Variants in CEP83 observed in about 807,000 individuals in gnomAD.
CEP83 encodes centrosomal protein 83, also known as centrosomal protein of 83 kDa.
CEP83 carries 70 observed loss-of-function variants against 101.9 expected under a neutral mutation model. That is an observed-to-expected ratio of 0.69 (90% CI 0.57 to 0.84). The LOEUF (loss-of-function observed/expected upper bound fraction) is 0.84, where lower values mean the gene tolerates loss of function less well. Ranked by LOEUF, CEP83 falls within the 40% of genes least tolerant of loss-of-function variation. The pLI, the probability that CEP83 is intolerant of heterozygous loss-of-function variation, is 0.00. For missense variants in CEP83, 715 were observed against 787.2 expected (o/e 0.91, Z 1.10); for synonymous variants, 264 against 267.9 (o/e 0.99, Z 0.14).
intron 11 of CEP83, among the ~76,000 whole-genome samples, chr12:94,362,080 T>C (rs1565987744): frequency 6.6e-6 from 1 of 152,160 alleles, no homozygotes. Context: ...AAGCCCCAAG[T>C]AATTTCATTT....
At chr12:94,450,318 C>T (rs1223338649) in intron 1 of CEP83, among the ~76,000 whole-genome samples, 1 of 152,188 alleles carries the variant, frequency 6.6e-6, no homozygotes, top group Non-Finnish European at 1.5e-5. Context: ...GTGGCACAAT[C>T]TCAGCTCACT....
chr12:94,340,867 A>G (rs940258307), intron 11 of CEP83, among the ~76,000 whole-genome samples: 1 of 152,262 alleles, frequency 6.6e-6, no homozygotes, highest in African/African-American at 2.4e-5. Flanking sequence ...GAGAGAGAAA[A>G]TAAGAGAGGA....
intron 11 of CEP83, 151 bp downstream of exon 11, chr12:94,367,642 TC>T: frequency 2.3e-6 from 1 of 436,088 alleles, no homozygotes; most frequent in Non-Finnish European, 3.9e-6. Flanking sequence ...AATTTCTTAA[TC>T]TTGATTATTA....
intron 11 of CEP83, among the ~76,000 whole-genome samples, chr12:94,337,475 A>C (rs1051846753): frequency 1.3e-5 from 2 of 152,208 alleles, no homozygotes; most frequent in African/African-American, 2.4e-5. Flanking sequence ...TCTTAAGATA[A>C]ATAAGATAGG....
intron 7 of CEP83, among the ~76,000 whole-genome samples, chr12:94,376,280 C>T (rs939466980): frequency 1.8e-4 from 27 of 152,044 alleles, no homozygotes; most frequent in African/African-American, 5.6e-4. Flanking sequence ...ACTTCTCTCA[C>T]GACAGAAAGT....
At chr12:94,456,200 T>G (rs2067667330) in intron 1 of CEP83, among the ~76,000 whole-genome samples, 1 of 152,208 alleles carries the variant, frequency 6.6e-6, no homozygotes, top group African/African-American at 2.4e-5. Flanking sequence ...CCAAGCCCAC[T>G]GAAGAATAGT....
At chr12:94,396,157 T>A (rs2062876864) in intron 6 of CEP83, among the ~76,000 whole-genome samples, 1 of 151,722 alleles carries the variant, frequency 6.6e-6, no homozygotes, top group African/African-American at 2.4e-5. Context: ...AAAATATGAG[T>A]CCTAATATAA....
intron 6 of CEP83, among the ~76,000 whole-genome samples, chr12:94,380,636 T>C (rs1242522797): frequency 6.6e-6 from 1 of 152,178 alleles, no homozygotes; most frequent in African/African-American, 2.4e-5. Flanking sequence ...TAATGTGCTA[T>C]ATTAGAGGTG....
At chr12:94,300,029 T>C in the CEP83 span, among the ~76,000 whole-genome samples, 1 of 151,634 alleles carries the variant, frequency 6.6e-6, no homozygotes, top group African/African-American at 2.4e-5. Context: ...TAGGCCAGAG[T>C]TGAAAAGGAG....
chr12:94,350,805 CA>C (rs1192815280), intron 11 of CEP83, among the ~76,000 whole-genome samples: 8 of 151,924 alleles, frequency 5.3e-5, no homozygotes, highest in African/African-American at 1.4e-4. Context: ...TTTAAATGGA[CA>C]AAAAACTTGA....
intron 1 of CEP83, among the ~76,000 whole-genome samples, chr12:94,456,334 T>C (rs749068862): frequency 2.0e-5 from 3 of 152,198 alleles, no homozygotes; most frequent in Non-Finnish European, 2.9e-5. Context: ...TTTTTTATAG[T>C]TTACTGTTGC....
At chr12:94,338,833 GAA>G (rs1429521700) in intron 11 of CEP83, among the ~76,000 whole-genome samples, 2 of 152,130 alleles carry the variant, frequency 1.3e-5, no homozygotes, top group Admixed American at 6.5e-5. Context: ...AGTTTAAATG[GAA>G]ACTTTGGAAT....
At chr12:94,380,568 G>C (rs1370177848) in intron 6 of CEP83, among the ~76,000 whole-genome samples, 1 of 151,984 alleles carries the variant, frequency 6.6e-6, no homozygotes, top group Non-Finnish European at 1.5e-5. Flanking sequence ...GAAGAACTTG[G>C]GCTAGCTGAT....
intron 6 of CEP83, among the ~76,000 whole-genome samples, chr12:94,395,394 G>A (rs1224423526): frequency 6.8e-6 from 1 of 147,918 alleles, no homozygotes; most frequent in Non-Finnish European, 1.5e-5. Context: ...TCACTATTAT[G>A]ATGAGTTTCC....
intron 6 of CEP83, among the ~76,000 whole-genome samples, chr12:94,387,348 C>T (rs1414366983): frequency 6.6e-6 from 1 of 152,092 alleles, no homozygotes; most frequent in Non-Finnish European, 1.5e-5. Flanking sequence ...TGGTGTGAAC[C>T]CTATTGCGAA....
intron 8 of CEP83, among the ~76,000 whole-genome samples, chr12:94,372,709 A>G (rs747042927): frequency 6.6e-6 from 1 of 152,238 alleles, no homozygotes; most frequent in Non-Finnish European, 1.5e-5. Flanking sequence ...TAACTAAACT[A>G]CAATTATTGA....
At chr12:94,277,810 T>G in the CEP83 span, 1 of 382,818 alleles carries the variant, frequency 2.6e-6, no homozygotes, top group Non-Finnish European at 5.3e-6. Flanking sequence ...CCCAGCAGCC[T>G]GGCCCCGTGC....
At chr12:94,399,617 T>C (rs1324143985) in intron 6 of CEP83, among the ~76,000 whole-genome samples, 1 of 152,020 alleles carries the variant, frequency 6.6e-6, no homozygotes. Context: ...CCTGTGGTCC[T>C]AGCTACTTGG....
chr12:94,449,524 C>T (rs369513066), intron 1 of CEP83, among the ~76,000 whole-genome samples: 5 of 150,700 alleles, frequency 3.3e-5, no homozygotes, highest in African/African-American at 4.9e-5. Context: ...TGGGAGGCCA[C>T]GCAGGTAAAT....
Sources: allele counts gnomAD v4.1 joint callset (sites outside exome capture counted in the v4.1 genomes callset), GRCh38; gene constraint gnomAD v4.1.1; transcripts MANE v1.5; gene names NCBI Gene and HGNC (gene_info 2026-07-23, HGNC 2026-07-21).